The following USP3 variants were observed in gnomAD, a reference collection of about 807,000 sequenced individuals.
USP3 encodes the protein ubiquitin carboxyl-terminal hydrolase 3.
In USP3, 20 loss-of-function variants were observed where a neutral mutation model predicts 72.3. That is an observed-to-expected ratio of 0.28 (90% confidence interval 0.19 to 0.40). USP3 has a LOEUF of 0.40. Ranked by LOEUF, USP3 falls within the 10% of genes least tolerant of loss-of-function variation. The pLI is 1.00. For missense variants in USP3, 479 were observed against 633.9 expected (o/e 0.76, Z 2.62); for synonymous variants, 222 against 225.3 (o/e 0.99, Z 0.13).
rs193144947 is a variant in USP3, at chr15:63,562,834, C to T, written c.648-61C>T. On this transcript the variant is annotated intron_variant, in intron 7 of 14. Coordinates refer to ENST00000380324, the MANE Select transcript of USP3 (RefSeq NM_006537.4). The stretch of plus-strand genomic sequence containing the variant: ...ATATTAGGCATTTTAGATGGGTGGA[C>T]GCTGTGTTGAAATTGTAGCCTCTCA... 108 of 1,076,884 alleles carry T rather than the reference C, an allele frequency of 1.0e-4. 1 individual carries two copies. In the East Asian group the frequency reaches 2.0e-3, roughly 20 times the overall value. 66.7% of individuals were successfully genotyped at this position (1,076,884 alleles called of 1,614,324 possible). A position where few individuals can be genotyped will look rare whatever the true frequency, so the allele number is the denominator to read the frequency against.
intron 7 of USP3, 59 bp downstream of exon 7, chr15:63,560,029 G>A: frequency 6.8e-7 from 1 of 1,471,472 alleles, no homozygotes; most frequent in Non-Finnish European, 9.3e-7. Context: ...TACTTTCACT[G>A]GTGGTTTCCA....
chr15:63,508,506 C>T (rs2065742497), intron 1 of USP3, among the ~76,000 whole-genome samples: 1 of 152,100 alleles, frequency 6.6e-6, no homozygotes, highest in Non-Finnish European at 1.5e-5. Flanking sequence ...CTCCTAATAA[C>T]GTAAAGGCTG....
At position 63,574,616 on chromosome 15, in the gene USP3, C is replaced by A. The variant is rs903497808; in HGVS notation, c.1096+213C>A. 6.6e-6 allele frequency among the ~76,000 whole-genome samples: 1 copy of A among 152,134 alleles called. No homozygotes were observed. The highest frequency in any genetic ancestry group is 1.5e-5 in the Non-Finnish European group (1 of 68,010). On this transcript the variant is annotated intron_variant, in intron 11 of 14. Coordinates refer to ENST00000380324, the MANE Select transcript of USP3 (RefSeq NM_006537.4). This position sits in a 1 kb window ranked among gnomAD's most constrained non-coding sequence, Gnocchi z 4.6. ...ATATTGTGTGAAGCATAAAATATTT[C>A]TCACCTTTTTCTTCTTTGAAATACT...
rs773694739 is a variant in USP3, at chr15:63,574,132, G to C, written c.995G>C (p.Arg332Thr). The C allele has an allele frequency of 6.3e-7, 1 of 1,592,238 alleles. No homozygotes were observed. Among genetic ancestry groups the C allele is most frequent in the Non-Finnish European group, 8.6e-7 (1 of 1,168,368 alleles). ...TGCCTCATATGTGGGACAGAATCTAGAAAGTTTGATCCATTCCTAGGTAAG... is the reference window on the plus strand; with the variant it reads ...TGCCTCATATGTGGGACAGAATCTACAAAGTTTGATCCATTCCTAGGTAAG... ...VNCLICGTES[R>T]KFDPFLDLSL... The change falls in exon 10 of 15, where the codon AGA becomes ACA. Residue 332 changes from arginine (R) to threonine (T), a missense_variant. Transcript: ENST00000380324. This position sits in a 1 kb window ranked among gnomAD's most constrained non-coding sequence, Gnocchi z 4.6.
At chr15:63,543,180 G>A (rs1467901348) in intron 3 of USP3, among the ~76,000 whole-genome samples, 1 of 152,136 alleles carries the variant, frequency 6.6e-6, no homozygotes, top group Non-Finnish European at 1.5e-5. Flanking sequence ...TGACCCTTAT[G>A]AAGAAAACTT....
intron 8 of USP3, 101 bp downstream of exon 8, chr15:63,563,109 A>G: frequency 1.2e-6 from 1 of 809,942 alleles, no homozygotes; most frequent in Non-Finnish European, 1.8e-6. Flanking sequence ...TATTCTAAAT[A>G]CTTAAGACTG....
intron 1 of USP3, among the ~76,000 whole-genome samples, chr15:63,510,809 C>T (rs996533955): frequency 6.6e-6 from 1 of 152,106 alleles, no homozygotes; most frequent in Non-Finnish European, 1.5e-5. Flanking sequence ...CCTCAAGATG[C>T]TCTGAGATTT....
intron 3 of USP3, among the ~76,000 whole-genome samples, chr15:63,538,585 C>T (rs147184501): frequency 0.011 from 1,682 of 147,804 alleles, 28 homozygotes; most frequent in African/African-American, 0.04. Flanking sequence ...CTTGCTCTGT[C>T]GCCCAGGCTG....
At chr15:63,583,466 A>G (rs764214214) in intron 11 of USP3, among the ~76,000 whole-genome samples, 1 of 152,146 alleles carries the variant, frequency 6.6e-6, no homozygotes, top group Non-Finnish European at 1.5e-5. Flanking sequence ...TCTTAAAACA[A>G]TTTTTTAAAA....
intron 11 of USP3, among the ~76,000 whole-genome samples, chr15:63,580,875 C>A (rs2066945708): frequency 6.6e-6 from 1 of 151,800 alleles, no homozygotes. Flanking sequence ...GTGGCACAAT[C>A]TTGGCTCACT....
In USP3 at chr15:63,528,535, G is replaced by C. The variant is rs894321078; in HGVS notation, c.92-4112G>C. Among the ~76,000 whole-genome samples, 1 of 152,018 alleles carries C rather than the reference G, an allele frequency of 6.6e-6. No homozygotes were observed. The highest frequency in any genetic ancestry group is 1.5e-5 in the Non-Finnish European group (1 of 68,010). The stretch of plus-strand genomic sequence containing the variant: ...TTGCTAAATAGATACTATATTCAGA[G>C]CCTAAAAATATTTTTATTACTGTGT... On this transcript the variant is annotated intron_variant, in intron 1 of 14. Coordinates refer to ENST00000380324, the MANE Select transcript of USP3 (RefSeq NM_006537.4). The surrounding 1 kb of genome is among the most constrained non-coding windows in gnomAD (Gnocchi z 4.3).
At position 63,529,373 on chromosome 15, in the gene USP3, T is replaced by C. The variant is rs1681559951; in HGVS notation, c.92-3274T>C. On this transcript the variant is annotated intron_variant, in intron 1 of 14. Coordinates refer to ENST00000380324, the MANE Select transcript of USP3 (RefSeq NM_006537.4). This position sits in a 1 kb window ranked among gnomAD's most constrained non-coding sequence, Gnocchi z 4.2. The stretch of plus-strand genomic sequence containing the variant: ...TTAAAGTGAACAATTCAGTGGCGTT[T>C]AGTACATCCACAATTGTTTTACAAG... Among the ~76,000 whole-genome samples the C allele has an allele frequency of 6.6e-6, 1 of 152,168 alleles. No individual in the cohort carries two copies. The highest frequency in any genetic ancestry group is 2.1e-4 in the South Asian group (1 of 4,824).
intron 11 of USP3, among the ~76,000 whole-genome samples, chr15:63,585,800 A>ATT (rs58350832): frequency 0.039 from 5,301 of 135,642 alleles, 180 homozygotes; most frequent in African/African-American, 0.085. Context: ...TGTGTCTAGA[A>ATT]TTTTTTTTTT....
chr15:63,567,504 G>A (rs540983555), intron 8 of USP3, among the ~76,000 whole-genome samples: 4 of 151,922 alleles, frequency 2.6e-5, no homozygotes, highest in Admixed American at 2.0e-4. Flanking sequence ...CTGCAACCAC[G>A]CCCGGCTAAT....
At chr15:63,545,643 GTCCTTA>G (rs1170386033) in intron 3 of USP3, among the ~76,000 whole-genome samples, 1 of 151,154 alleles carries the variant, frequency 6.6e-6, no homozygotes, top group Non-Finnish European at 1.5e-5. Flanking sequence ...ATTAAATATA[GTCCTTA>G]TCTGACAAAA....
At chr15:63,505,509 GGAGGGGACTGCTCGAGTTT>G (rs1458791672) in intron 1 of USP3, among the ~76,000 whole-genome samples, 6 of 152,230 alleles carry the variant, frequency 3.9e-5, no homozygotes, top group African/African-American at 1.4e-4. Context: ...CAGCTGCTTT[GGAGGGGACTGCTCGAGTTT>G]GTTTTTCAGA....
chr15:63,552,800 C>G (rs2152669532), intron 3 of USP3, among the ~76,000 whole-genome samples: 1 of 152,176 alleles, frequency 6.6e-6, no homozygotes, highest in East Asian at 1.9e-4. Flanking sequence ...TAGAGATGAC[C>G]TAATTTTTAC....
intron 1 of USP3, chr15:63,532,443 C>G (rs765905039): frequency 6.5e-6 from 4 of 613,290 alleles, no homozygotes; most frequent in Admixed American, 2.8e-5. Flanking sequence ...TAAAATGAGC[C>G]GCTGTTGTGG....
intron 3 of USP3, among the ~76,000 whole-genome samples, chr15:63,538,188 G>T (rs1445891564): frequency 6.6e-6 from 1 of 152,160 alleles, no homozygotes; most frequent in Admixed American, 6.5e-5. Flanking sequence ...AGTATATTCT[G>T]CAGTTTTAAC....
Sources: allele counts gnomAD v4.1 joint callset (sites outside exome capture counted in the v4.1 genomes callset), GRCh38; gene constraint gnomAD v4.1.1; non-coding constraint Gnocchi (gnomAD v3.1); transcripts MANE v1.5; gene names NCBI Gene and HGNC (gene_info 2026-07-23, HGNC 2026-07-21).